The following CORIN variants were observed in gnomAD, a reference collection of about 807,000 sequenced individuals.
CORIN encodes atrial natriuretic peptide-converting enzyme.
In CORIN, 117 loss-of-function variants were observed where a neutral mutation model predicts 125.3. That is an observed-to-expected ratio of 0.93 (90% CI 0.80 to 1.09). The LOEUF is 1.09. Ranked by LOEUF, CORIN falls within the 50% of genes least tolerant of loss-of-function variation. CORIN has a pLI of 0.00. For missense variants in CORIN, 1,253 were observed against 1,306.7 expected, an observed-to-expected ratio of 0.96 and a Z score of 0.63; for synonymous variants, 450 against 466.4, an observed-to-expected ratio of 0.96 and a Z score of 0.45.
intron 20 of CORIN, among the ~76,000 whole-genome samples, chr4:47,600,844 T>C (rs1278502955): frequency 6.6e-6 from 1 of 152,214 alleles, no homozygotes; most frequent in Non-Finnish European, 1.5e-5. Context: ...CAGCCATTAC[T>C]TGATGTAAGA....
At chr4:47,766,273 T>C (rs3924199) in intron 3 of CORIN, among the ~76,000 whole-genome samples, 8,441 of 152,284 alleles carry the variant, frequency 0.055, 734 homozygotes, top group African/African-American at 0.19. Flanking sequence ...ATGAGTGGTC[T>C]AGGACAGGAA....
chr4:47,623,096 C>CTCTCTCTCTATATATATATATATA (rs771867590), intron 19 of CORIN, among the ~76,000 whole-genome samples: 1 of 102,300 alleles, frequency 9.8e-6, no homozygotes, highest in African/African-American at 4.3e-5. Context: ...CTCTCTCTCT[C>CTCTCTCTCTATATATATATATATA]TATATATATA....
chr4:47,708,856 C>T (rs1263176791), intron 5 of CORIN, among the ~76,000 whole-genome samples: 1 of 152,190 alleles, frequency 6.6e-6, no homozygotes, highest in East Asian at 1.9e-4. Flanking sequence ...GGGAGGAGAA[C>T]TGCTGTTAGA....
chr4:47,629,012 C>G (rs1267534727), intron 16 of CORIN, among the ~76,000 whole-genome samples: 1 of 152,030 alleles, frequency 6.6e-6, no homozygotes, highest in Non-Finnish European at 1.5e-5. Flanking sequence ...CATGAGAGTG[C>G]AGATGTCTTT....
At position 47,703,510 on chromosome 4, in the gene CORIN, T is replaced by C. The variant is rs887238280; in HGVS notation, c.800-10427A>G. Among the ~76,000 whole-genome samples the C allele has an allele frequency of 2.0e-5, 3 of 152,354 alleles. No individual in the cohort carries two copies. In the East Asian group the frequency reaches 5.8e-4, roughly 29 times the overall value. On this transcript the variant is annotated intron_variant, in intron 5 of 21. Transcript: ENST00000273857. Reference sequence around the variant, plus strand: ...TGAGATAGGAAAATAAAGGTAATCTTGTAGAAAAGCAGAGATTGGTATTTA... The same window carrying C: ...TGAGATAGGAAAATAAAGGTAATCTCGTAGAAAAGCAGAGATTGGTATTTA...
chr4:47,781,325 A>G (rs746755489), intron 3 of CORIN, among the ~76,000 whole-genome samples: 3 of 152,248 alleles, frequency 2.0e-5, no homozygotes, highest in Non-Finnish European at 4.4e-5. Flanking sequence ...CAACTTTACA[A>G]TTGTGCAAAA....
intron 4 of CORIN, among the ~76,000 whole-genome samples, chr4:47,755,773 A>T (rs1729109716): frequency 6.6e-6 from 1 of 152,214 alleles, no homozygotes; most frequent in South Asian, 2.1e-4. Context: ...AGTCGCCTTA[A>T]AGTTTCAATT....
intron 16 of CORIN, among the ~76,000 whole-genome samples, chr4:47,627,407 A>G (rs563443779): frequency 2.0e-5 from 3 of 152,246 alleles, no homozygotes; most frequent in Non-Finnish European, 2.9e-5. Flanking sequence ...ATGATAGAAT[A>G]AGAGCCAAAG....
At chr4:47,616,286 C>A (rs1483059983) in intron 19 of CORIN, among the ~76,000 whole-genome samples, 5 of 151,852 alleles carry the variant, frequency 3.3e-5, no homozygotes. Context: ...ACTTTATATT[C>A]ATATTAATAT....
intron 12 of CORIN, among the ~76,000 whole-genome samples, chr4:47,656,040 G>A (rs916750976): frequency 6.6e-6 from 1 of 150,580 alleles, no homozygotes; most frequent in African/African-American, 2.4e-5. Context: ...TCAAAAAAAA[G>A]AAAACTACAC....
At chr4:47,776,392 T>C (rs1039878899) in intron 3 of CORIN, among the ~76,000 whole-genome samples, 2 of 152,246 alleles carry the variant, frequency 1.3e-5, no homozygotes, top group Non-Finnish European at 2.9e-5. Flanking sequence ...CTCAAGTTGC[T>C]GCGTGTGGTA....
intron 19 of CORIN, among the ~76,000 whole-genome samples, chr4:47,611,791 T>C (rs1721881085): frequency 6.6e-6 from 1 of 152,164 alleles, no homozygotes; most frequent in Non-Finnish European, 1.5e-5. Flanking sequence ...TATTGAGAGT[T>C]TTTTAATATG....
At chr4:47,718,794 C>A (rs1372898334) in intron 5 of CORIN, among the ~76,000 whole-genome samples, 2 of 152,150 alleles carry the variant, frequency 1.3e-5, no homozygotes, top group East Asian at 1.9e-4. Flanking sequence ...AGGAAAAGTA[C>A]TAAAGCAGAA....
intron 10 of CORIN, among the ~76,000 whole-genome samples, chr4:47,667,616 G>T (rs973051704): frequency 1.3e-5 from 2 of 152,094 alleles, no homozygotes; most frequent in African/African-American, 4.8e-5. Flanking sequence ...GAAAGAATCC[G>T]AGGATATCAC....
rs73144255 is a variant in CORIN at position 47,717,006 on chromosome 4, A to T, written c.800-23923T>A. Among the ~76,000 whole-genome samples, 353 of 152,310 alleles carry T rather than the reference A, an allele frequency of 2.3e-3. 4 individuals carry two copies. Among genetic ancestry groups the T allele is most frequent in the African/African-American group, 7.8e-3 (324 of 41,568 alleles). ...TTACAAACAAAATTTCTATAGAAAG[A>T]ATACTATGAAAATTAGAACTAAAGC... On this transcript the variant is annotated intron_variant, in intron 5 of 21. Coordinates refer to ENST00000273857, the MANE Select transcript of CORIN (RefSeq NM_006587.4).
At chr4:47,600,787 G>A (rs1373301563) in intron 20 of CORIN, among the ~76,000 whole-genome samples, 2 of 152,186 alleles carry the variant, frequency 1.3e-5, no homozygotes, top group Non-Finnish European at 2.9e-5. Context: ...ACAGGGAAGG[G>A]TTGTCCTATT....
intron 2 of CORIN, among the ~76,000 whole-genome samples, chr4:47,799,453 T>C (rs1731440056): frequency 6.6e-6 from 1 of 152,090 alleles, no homozygotes. Context: ...GTAATAGCCA[T>C]TCTGATTGGT....
At chr4:47,683,692 A>T (rs1348106005) in intron 7 of CORIN, 39 bp downstream of exon 7, 1 of 1,461,232 alleles carries the variant, frequency 6.8e-7, no homozygotes, top group Non-Finnish European at 9.5e-7. Flanking sequence ...AATTTCTATG[A>T]TTTTAAATTA....
At chr4:47,692,746 G>C (rs1402174059) in intron 6 of CORIN, among the ~76,000 whole-genome samples, 1 of 152,024 alleles carries the variant, frequency 6.6e-6, no homozygotes, top group East Asian at 1.9e-4. Flanking sequence ...GTGCAAAAAC[G>C]CTGCAATCCC....
Sources: allele counts gnomAD v4.1 joint callset (sites outside exome capture counted in the v4.1 genomes callset), GRCh38; gene constraint gnomAD v4.1.1; transcripts MANE v1.5; gene names NCBI Gene and HGNC (gene_info 2026-07-23, HGNC 2026-07-21).